CSPP1: variants seen among roughly 807,000 people sequenced by gnomAD.
The protein encoded by CSPP1 is centrosome and spindle pole-associated protein 1.
In CSPP1, 126 loss-of-function variants were observed where a neutral mutation model predicts 164.4. That is an observed-to-expected ratio of 0.77 (90% CI 0.66 to 0.89). The LOEUF (loss-of-function observed/expected upper bound fraction) is 0.89, where lower values mean the gene tolerates loss of function less well. CSPP1 is among the 40% of genes least tolerant of loss of function. The pLI, the probability that CSPP1 is intolerant of heterozygous loss-of-function variation, is 0.00. For missense variants in CSPP1, 1,395 were observed against 1,449.8 expected, an observed-to-expected ratio of 0.96 and a Z score of 0.61; for synonymous variants, 472 against 476.7, an observed-to-expected ratio of 0.99 and a Z score of 0.13.
intron 21 of CSPP1, among the ~76,000 whole-genome samples, 180 bp from the exon 22 acceptor site, chr8:67,161,631 A>G (rs1344285167): frequency 6.6e-6 from 1 of 152,176 alleles, no homozygotes; most frequent in Non-Finnish European, 1.5e-5. Context: ...ATCATAACCA[A>G]CATGTTTGAT....
At chr8:67,108,116 T>A (rs1459097352) in intron 9 of CSPP1, among the ~76,000 whole-genome samples, 1 of 150,882 alleles carries the variant, frequency 6.6e-6, no homozygotes, top group Non-Finnish European at 1.5e-5. Context: ...TAAGGTTGGG[T>A]GTGGTGGCTC....
chr8:67,179,020 T>G (rs1832353714), intron 27 of CSPP1, among the ~76,000 whole-genome samples: 1 of 152,212 alleles, frequency 6.6e-6, no homozygotes, highest in South Asian at 2.1e-4. Context: ...GATTAAAGAA[T>G]GCAGTGCATC....
intron 3 of CSPP1, chr8:67,083,749 T>G (rs2129543102): frequency 6.6e-6 from 1 of 152,058 alleles, no homozygotes; most frequent in East Asian, 1.9e-4. Context: ...GGCATCATCC[T>G]GGCAGCATTG....
At chr8:67,100,700 C>G (rs1396924603) in intron 7 of CSPP1, among the ~76,000 whole-genome samples, 1 of 151,150 alleles carries the variant, frequency 6.6e-6, no homozygotes, top group African/African-American at 2.4e-5. Flanking sequence ...CCACTTTAGC[C>G]TCCCAAGTAG....
At chr8:67,068,366 A>C (rs1806023342) in intron 1 of CSPP1, among the ~76,000 whole-genome samples, 1 of 152,192 alleles carries the variant, frequency 6.6e-6, no homozygotes, top group African/African-American at 2.4e-5. Flanking sequence ...TTTCCTGAAA[A>C]CTGTTTATCA....
intron 19 of CSPP1, among the ~76,000 whole-genome samples, chr8:67,155,622 C>G (rs1826517112): frequency 6.6e-6 from 1 of 151,944 alleles, no homozygotes; most frequent in African/African-American, 2.4e-5. Flanking sequence ...ATGATGAAAC[C>G]CCATTTCTAC....
intron 15 of CSPP1, among the ~76,000 whole-genome samples, chr8:67,129,736 G>A (rs1820825593): frequency 6.6e-6 from 1 of 152,088 alleles, no homozygotes; most frequent in South Asian, 2.1e-4. Context: ...TAAATGTTAT[G>A]CTAAATGAAT....
intron 17 of CSPP1, among the ~76,000 whole-genome samples, chr8:67,139,288 A>G (rs1822997530): frequency 6.6e-6 from 1 of 152,154 alleles, no homozygotes; most frequent in Admixed American, 6.5e-5. Flanking sequence ...CAAAACCACA[A>G]TGAGATACCA....
Position 67,102,926 on chromosome 8 carries a change from A to G in CSPP1, c.924-111A>G, listed in dbSNP as rs542382486. On this transcript the variant is annotated intron_variant, in intron 7 of 30. Transcript: ENST00000678616. ...AATGCATTTATAGTAAAACTTCATT[A>G]TAACACTTTGTTCCTTTTAATGTTG... is the stretch of plus-strand genomic sequence containing the variant. 9.7e-4 allele frequency: 532 copies of G among 549,284 alleles called. 6 individuals carry two copies. The East Asian group carries it at 0.016, about 16-fold the overall frequency. 34.0% of individuals were successfully genotyped at this position (549,284 alleles called of 1,614,324 possible).
chr8:67,149,918 C>A lies in CSPP1; in HGVS notation c.2111C>A (p.Ala704Asp). ...ATSNAENLEDAANKSSGHMQT... is the reference protein window; with the variant it reads ...ATSNAENLEDDANKSSGHMQT... Reference sequence around the variant, plus strand: ...TCAAATGCTGAGAACCTAGAAGATGCTGCAAATAAAAGCTCAGGTTTTTAA... The same window carrying A: ...TCAAATGCTGAGAACCTAGAAGATGATGCAAATAAAAGCTCAGGTTTTTAA... Residue 704 changes from alanine (A) to aspartate (D), a missense_variant, in exon 18 of 31, where the codon GCT (alanine) becomes GAT (aspartate). Coordinates refer to ENST00000678616, the MANE Select transcript of CSPP1 (RefSeq NM_001382391.1). 6.4e-7 allele frequency: 1 copy of A among 1,554,620 alleles called. No individual in the cohort carries two copies. The highest frequency in any genetic ancestry group is 1.2e-5 in the South Asian group (1 of 80,516).
chr8:67,177,092 A>AG (rs924224138), intron 26 of CSPP1, among the ~76,000 whole-genome samples: 7 of 151,732 alleles, frequency 4.6e-5, no homozygotes, highest in African/African-American at 1.5e-4. Context: ...AAAAAAAAAA[A>AG]AGAATATGGC....
Position 67,095,741 on chromosome 8 carries a change from A to G in CSPP1, c.923+9A>G. 6.8e-7 allele frequency: 1 copy of G among 1,478,474 alleles called. No individual in the cohort carries two copies. Among genetic ancestry groups the G allele is most frequent in the Non-Finnish European group, 9.2e-7 (1 of 1,086,184 alleles). The allele number at this position is 1,478,474 out of a possible 1,614,324, so 91.6% of individuals were successfully genotyped here. ...GTGTATACAAATGACAGGTATTTAC[A>G]ACTTCATTTTTATTTTATTTGCTTA... is the stretch of plus-strand genomic sequence containing the variant. On this transcript the variant is annotated intron_variant, in intron 7 of 30. Coordinates refer to ENST00000678616, the MANE Select transcript of CSPP1 (RefSeq NM_001382391.1).
intron 1 of CSPP1, among the ~76,000 whole-genome samples, chr8:67,073,186 G>A (rs1201720702): frequency 1.3e-5 from 2 of 152,128 alleles, no homozygotes; most frequent in Non-Finnish European, 2.9e-5. Context: ...GTACTTTGAG[G>A]AACAGTTTAG....
chr8:67,181,567 C>A (rs1387333076), intron 28 of CSPP1, among the ~76,000 whole-genome samples: 1 of 152,070 alleles, frequency 6.6e-6, no homozygotes, highest in Admixed American at 6.6e-5. Flanking sequence ...TTAACAGTCA[C>A]TGCAAATGCT....
At chr8:67,132,578 A>T (rs1382875194) in intron 16 of CSPP1, among the ~76,000 whole-genome samples, 1 of 152,202 alleles carries the variant, frequency 6.6e-6, no homozygotes, top group African/African-American at 2.4e-5. Flanking sequence ...TGGCAGAGAA[A>T]TTATTTAGTA....
chr8:67,092,067 A>G (rs955994949), intron 5 of CSPP1, among the ~76,000 whole-genome samples, 184 bp downstream of exon 5: 1 of 152,200 alleles, frequency 6.6e-6, no homozygotes, highest in Non-Finnish European at 1.5e-5. Context: ...CTTGAACACA[A>G]CATTTGTAAC....
intron 25 of CSPP1, 163 bp from the exon 26 acceptor site, chr8:67,175,133 T>G: frequency 1.6e-6 from 1 of 617,596 alleles, no homozygotes; most frequent in Non-Finnish European, 2.9e-6. Context: ...ATTCTTTAGT[T>G]TTGTGGCTAT....
At chr8:67,110,471 T>C (rs752375383) in intron 9 of CSPP1, among the ~76,000 whole-genome samples, 1 of 151,914 alleles carries the variant, frequency 6.6e-6, no homozygotes, top group Non-Finnish European at 1.5e-5. Context: ...CTGAGAATTG[T>C]TCAGTTTATA....
chr8:67,184,318 A>G (rs1158603568), intron 28 of CSPP1, among the ~76,000 whole-genome samples: 1 of 152,244 alleles, frequency 6.6e-6, no homozygotes, highest in Admixed American at 6.5e-5. Flanking sequence ...TGGAGCAGAA[A>G]TCAATGAAAT....
Sources: gnomAD v4.1 joint callset for allele counts (sites outside exome capture counted in the v4.1 genomes callset) on GRCh38, gnomAD v4.1.1 for gene constraint, MANE v1.5 for transcripts, NCBI Gene and HGNC (gene_info 2026-07-23, HGNC 2026-07-21) for gene names.